TRMT2B: variants seen among roughly 807,000 people sequenced by gnomAD.
TRMT2B encodes tRNA (uracil-5-)-methyltransferase homolog B.
Under a neutral mutation model 39.7 loss-of-function variants are expected in TRMT2B, and 34 were observed. The observed-to-expected ratio is 0.86, with a 90% CI of 0.65 to 1.14. The LOEUF is 1.14. Among genes scored for constraint, TRMT2B ranks in the 50% most tolerant of loss-of-function variants. The pLI is 0.00. For synonymous variants in TRMT2B, 132 were observed against 137.3 expected (o/e 0.96, Z 0.27); for missense variants, 318 against 377.2 (o/e 0.84, Z 1.30).
At chrX:100,998,861 T>C in the TRMT2B span, among the ~76,000 whole-genome samples, 1 of 111,284 alleles carries the variant, frequency 9.0e-6, no homozygotes, top group Admixed American at 9.6e-5. Context: ...ACCTGCCATA[T>C]TTCAGACACT....
intron 2 of TRMT2B, among the ~76,000 whole-genome samples, chrX:101,046,713 G>A (rs761009579): frequency 1.8e-5 from 2 of 111,028 alleles, no homozygotes; most frequent in South Asian, 7.6e-4. Flanking sequence ...GATCACCTGA[G>A]GTCAGGAGTT....
chrX:100,996,541 T>C, the TRMT2B span, among the ~76,000 whole-genome samples: 1 of 111,997 alleles, frequency 8.9e-6, no homozygotes. Flanking sequence ...GCAACTATTA[T>C]GTATCAACAA....
intron 2 of TRMT2B, among the ~76,000 whole-genome samples, chrX:101,048,093 G>T (rs777315857): frequency 1.1e-5 from 1 of 94,497 alleles, no homozygotes; most frequent in African/African-American, 4.0e-5. Context: ...GCCTAATTCA[G>T]AATTTTACAT....
chrX:100,973,782 A>T, the TRMT2B span: 1 of 1,169,811 alleles, frequency 8.5e-7, no homozygotes, highest in Admixed American at 2.2e-5. Context: ...GGCCTATTCC[A>T]CTATTTCCTC....
chrX:101,001,847 A>AGTG, the TRMT2B span, among the ~76,000 whole-genome samples: 2 of 104,260 alleles, frequency 1.9e-5, no homozygotes, highest in Non-Finnish European at 3.9e-5. Flanking sequence ...AAAAAAAAGC[A>AGTG]GGGGGAAACA....
At chrX:101,022,160 G>C (rs1048659546) in intron 8 of TRMT2B, 98 bp from the exon 9 acceptor site, 2 of 548,498 alleles carry the variant, frequency 3.6e-6, no homozygotes, top group African/African-American at 4.6e-5. Context: ...AGTCAGATGT[G>C]AAGACATTTC....
downstream of TRMT2B, among the ~76,000 whole-genome samples, chrX:101,009,047 G>C (rs1602490529): frequency 9.0e-6 from 1 of 111,306 alleles, no homozygotes; most frequent in East Asian, 2.8e-4. Flanking sequence ...TTGTTTTCCT[G>C]AGCCTCTCCT....
At chrX:101,034,945 T>C (rs2087743275) in intron 7 of TRMT2B, among the ~76,000 whole-genome samples, 1 of 111,733 alleles carries the variant, frequency 8.9e-6, no homozygotes, top group Non-Finnish European at 1.9e-5. Context: ...GGCATGAGAA[T>C]TGCTCAAACC....
chrX:100,988,862 A>ATCT, the TRMT2B span, among the ~76,000 whole-genome samples: 1 of 99,246 alleles, frequency 1.0e-5, no homozygotes, highest in African/African-American at 3.8e-5. Context: ...ATATATATAT[A>ATCT]TATATATATA....
the TRMT2B span, among the ~76,000 whole-genome samples, chrX:100,977,300 C>T: frequency 1.9e-5 from 2 of 107,904 alleles, no homozygotes; most frequent in Non-Finnish European, 3.8e-5. Context: ...ATTTTTGTAC[C>T]CATTAACCAT....
intron 3 of TRMT2B, 86 bp from the exon 4 acceptor site, chrX:101,041,457 ACT>A: frequency 1.1e-6 from 1 of 880,756 alleles, no homozygotes; most frequent in African/African-American, 2.0e-5. Context: ...AGAAGACCTA[ACT>A]CTCATGCTCT....
intron 13 of TRMT2B, among the ~76,000 whole-genome samples, chrX:101,015,043 T>TA (rs919431344): frequency 9.0e-6 from 1 of 111,707 alleles, no homozygotes; most frequent in Non-Finnish European, 1.9e-5. Context: ...GCTATTATTT[T>TA]AAAAAAATAC....
intron 7 of TRMT2B, among the ~76,000 whole-genome samples, chrX:101,024,546 G>A (rs1371549086): frequency 9.0e-6 from 1 of 111,077 alleles, no homozygotes; most frequent in Non-Finnish European, 1.9e-5. Context: ...AAATTAGGCC[G>A]GGTGCAGTGG....
intron 4 of TRMT2B, among the ~76,000 whole-genome samples, chrX:101,038,371 C>CAAAAAA (rs57481304): frequency 1.1e-3 from 38 of 35,144 alleles, no homozygotes; most frequent in African/African-American, 1.9e-3. Flanking sequence ...AACTCCGTCT[C>CAAAAAA]AAAAAAAAAA....
the TRMT2B span, chrX:100,988,355 C>T: frequency 8.3e-7 from 1 of 1,207,066 alleles, no homozygotes; most frequent in Non-Finnish European, 1.1e-6. Flanking sequence ...AACTTTCCCC[C>T]CCATCATCTT....
intron 2 of TRMT2B, chrX:101,043,714 G>C (rs1425738037): frequency 8.9e-6 from 1 of 112,154 alleles, no homozygotes; most frequent in African/African-American, 3.2e-5. Flanking sequence ...GCCAGAAACT[G>C]AGTCTTAAAG....
the TRMT2B span, among the ~76,000 whole-genome samples, chrX:100,974,455 T>C: frequency 9.1e-6 from 1 of 109,959 alleles, no homozygotes; most frequent in Non-Finnish European, 1.9e-5. Context: ...CCTGCTCCCT[T>C]TACAAGATAT....
In TRMT2B at chrX:101,010,430, A is replaced by G. The variant is rs2086200278; in HGVS notation, c.*151T>C. The G allele has an allele frequency of 3.0e-6, 2 of 673,369 alleles. No homozygotes were observed. The highest frequency in any genetic ancestry group is 2.2e-5 in the African/African-American group (1 of 45,091). 55.5% of individuals were successfully genotyped at this position (673,369 alleles called of 1,213,427 possible). On this transcript the variant is annotated 3_prime_UTR_variant, in exon 14 of 14. Transcript: ENST00000372936. Reference sequence around the variant, plus strand: ...ATCTCAAAAAAAAAATCTGCCTCAGACCAGAGGCCTAATAGATTCTTCCTA... The same window carrying G: ...ATCTCAAAAAAAAAATCTGCCTCAGGCCAGAGGCCTAATAGATTCTTCCTA...
chrX:101,010,920 G>A (rs2086221754), intron 13 of TRMT2B, among the ~76,000 whole-genome samples: 1 of 111,751 alleles, frequency 8.9e-6, no homozygotes, highest in Non-Finnish European at 1.9e-5. Context: ...AGTAAACACT[G>A]CTTAATATTC....
Sources: allele counts gnomAD v4.1 joint callset (sites outside exome capture counted in the v4.1 genomes callset), GRCh38; gene constraint gnomAD v4.1.1; transcripts MANE v1.5; gene names NCBI Gene and HGNC (gene_info 2026-07-23, HGNC 2026-07-21).